The following MFSD6 variants were observed in gnomAD, a reference collection of about 807,000 sequenced individuals.
The protein encoded by MFSD6 is major facilitator superfamily domain containing 6.
MFSD6 carries 26 observed loss-of-function variants against 56.3 expected under a neutral mutation model. The observed-to-expected ratio is 0.46, with a 90% confidence interval of 0.34 to 0.64. MFSD6 has a LOEUF of 0.64. Among genes scored for constraint, MFSD6 ranks in the 30% least tolerant of loss-of-function variants. The pLI is 0.01. For synonymous variants in MFSD6, 331 were observed against 366.9 expected (o/e 0.90, Z 1.12); for missense variants, 750 against 986.2 (o/e 0.76, Z 3.21).
intron 4 of MFSD6, among the ~76,000 whole-genome samples, chr2:190,481,657 T>C (rs565798020): frequency 1.8e-4 from 28 of 152,360 alleles, no homozygotes; most frequent in African/African-American, 6.5e-4. Flanking sequence ...TGTCATATTT[T>C]CAAAGCCTAG....
At chr2:190,493,381 A>G (rs1387009604) in intron 6 of MFSD6, among the ~76,000 whole-genome samples, 4 of 152,166 alleles carry the variant, frequency 2.6e-5, no homozygotes, top group Admixed American at 2.6e-4. Context: ...CAAATTTATA[A>G]AACAATCACT....
In MFSD6 at chr2:190,412,597, G is replaced by T. The variant is rs1575811225; in HGVS notation, c.-175-2695G>T. On this transcript the variant is annotated intron_variant, in intron 1 of 7. Transcript: ENST00000392328. This position sits in a 1 kb window ranked among gnomAD's most constrained non-coding sequence, Gnocchi z 4.1. ...AACACATCTGATGTCAATTCTGTGT[G>T]GGGCAATGAAAACACCTTAATGCCT... 4 of 985,264 alleles carry T rather than the reference G, an allele frequency of 4.1e-6. No homozygotes were observed. In the South Asian group the frequency reaches 1.9e-4, roughly 46 times the overall value. The allele number at this position is 985,264 out of a possible 1,614,324, so 61.0% of individuals were successfully genotyped here. A position where few individuals can be genotyped will look rare whatever the true frequency, so the allele number is the denominator to read the frequency against.
chr2:190,411,356 C>T (rs1168901205), intron 1 of MFSD6: 8 of 498,276 alleles, frequency 1.6e-5, no homozygotes, highest in African/African-American at 2.1e-5. Context: ...GACGGGGTTT[C>T]ATCATGTTGG....
Position 190,495,273 on chromosome 2 carries a change from T to G in MFSD6, c.1892-2166T>G, listed in dbSNP as rs1310348988. Among the ~76,000 whole-genome samples the G allele has an allele frequency of 6.6e-6, 1 of 152,054 alleles. No homozygotes were observed. The highest frequency in any genetic ancestry group is 2.4e-5 in the African/African-American group (1 of 41,412). On this transcript the variant is annotated intron_variant, in intron 6 of 7. Transcript: ENST00000392328. This position sits in a 1 kb window ranked among gnomAD's most constrained non-coding sequence, Gnocchi z 4.7. ...TAATAGCTGCAAAAAATAAAGTATTTAGGAATACACCTAACCAAGGAGCTG... is the reference window on the plus strand; with the variant it reads ...TAATAGCTGCAAAAAATAAAGTATTGAGGAATACACCTAACCAAGGAGCTG...
In MFSD6 at chr2:190,431,725, GGAGGGA is replaced by G. The variant is rs1029396143; in HGVS notation, c.-53-4232_-53-4227del. Among the ~76,000 whole-genome samples the G allele has an allele frequency of 3.7e-4, 57 of 152,088 alleles. No homozygotes were observed. The highest frequency in any genetic ancestry group is 1.5e-3 in the East Asian group (8 of 5,172). On this transcript the variant is annotated intron_variant, in intron 2 of 7. Transcript: ENST00000392328. The surrounding 1 kb of genome is among the most constrained non-coding windows in gnomAD (Gnocchi z 4.4). ...AGGGAGAGGGAGACTGTGGGGAGAG[GGAGGGA>G]GAGGGAGAGGGAGAGGGAGCATGAG...
Position 190,492,762 on chromosome 2 carries a change from C to CACTACCAAGCCAGCACTCCAAGA in MFSD6, c.1891+2933_1891+2955dup, listed in dbSNP as rs992595563. Among the ~76,000 whole-genome samples the CACTACCAAGCCAGCACTCCAAGA allele has an allele frequency of 4.0e-3, 602 of 151,628 alleles. 5 individuals are homozygous for CACTACCAAGCCAGCACTCCAAGA. Among genetic ancestry groups the CACTACCAAGCCAGCACTCCAAGA allele is most frequent in the Middle Eastern group, 0.02 (6 of 294 alleles). On this transcript the variant is annotated intron_variant, in intron 6 of 7. Transcript: ENST00000392328. The surrounding 1 kb of genome is among the most constrained non-coding windows in gnomAD (Gnocchi z 5.2). ...ACAAACAAATGCTGAGAGAATTCACCACTACCAAGCCAGCACTCCAAGAAC... is the reference window on the plus strand; with the variant it reads ...ACAAACAAATGCTGAGAGAATTCACCACTACCAAGCCAGCACTCCAAGAACTACCAAGCCAGCACTCCAAGAAC...
chr2:190,489,907 G>C lies in MFSD6; in HGVS notation c.1891+41G>C, dbSNP rs1049009037. ...CTTTCTTAATATTCCTAACAGTTCAGGCCATGGGAAGTCAACAAATGCCCC... is the reference window on the plus strand; with the variant it reads ...CTTTCTTAATATTCCTAACAGTTCACGCCATGGGAAGTCAACAAATGCCCC... On this transcript the variant is annotated intron_variant, in intron 6 of 7. Transcript: ENST00000392328. This position sits in a 1 kb window ranked among gnomAD's most constrained non-coding sequence, Gnocchi z 6.6. 2.6e-6 allele frequency: 4 copies of C among 1,547,074 alleles called. No individual in the cohort carries two copies. Among genetic ancestry groups the C allele is most frequent in the South Asian group, 1.2e-5 (1 of 85,744 alleles).
intron 4 of MFSD6, among the ~76,000 whole-genome samples, chr2:190,486,522 A>G (rs1407326193): frequency 1.3e-5 from 2 of 152,152 alleles, no homozygotes; most frequent in Non-Finnish European, 2.9e-5. Flanking sequence ...TCAGACTCTC[A>G]TCAGTCAGTA....
chr2:190,415,830 G>T lies in MFSD6; in HGVS notation c.-54+417G>T, dbSNP rs1436066340. Among the ~76,000 whole-genome samples, 1 of 152,128 alleles carries T rather than the reference G, an allele frequency of 6.6e-6. No homozygotes were observed. Among genetic ancestry groups the T allele is most frequent in the African/African-American group, 2.4e-5 (1 of 41,398 alleles). The stretch of plus-strand genomic sequence containing the variant: ...TTATAAACCTTGAGATCTATATTCT[G>T]GTCTCAATTGTAAACTCATAAAAGG... On this transcript the variant is annotated intron_variant, in intron 2 of 7. Coordinates refer to ENST00000392328, the MANE Select transcript of MFSD6 (RefSeq NM_017694.4). This position sits in a 1 kb window ranked among gnomAD's most constrained non-coding sequence, Gnocchi z 4.5.
intron 4 of MFSD6, chr2:190,477,093 T>G: frequency 6.0e-6 from 1 of 165,434 alleles, no homozygotes. Flanking sequence ...TTAGGAGATA[T>G]ACCTAATGTT....
At chr2:190,446,414 G>A (rs1686585832) in intron 3 of MFSD6, among the ~76,000 whole-genome samples, 1 of 152,150 alleles carries the variant, frequency 6.6e-6, no homozygotes, top group Non-Finnish European at 1.5e-5. Flanking sequence ...ACTTTACTCT[G>A]CTAAATCCTA....
In MFSD6 at chr2:190,488,148, G is replaced by A. The variant is rs556730654; in HGVS notation, c.1631-509G>A. Among the ~76,000 whole-genome samples, 31 of 152,254 alleles carry A rather than the reference G, an allele frequency of 2.0e-4. 1 individual carries two copies. In the South Asian group the frequency reaches 6.0e-3, roughly 30 times the overall value. ...AATCTCCTGACCTCGTGATCCACCCGCCTCGGCCTCCCAAAGTGCTGGGAT... is the reference window on the plus strand; with the variant it reads ...AATCTCCTGACCTCGTGATCCACCCACCTCGGCCTCCCAAAGTGCTGGGAT... On this transcript the variant is annotated intron_variant, in intron 4 of 7. Transcript: ENST00000392328. The surrounding 1 kb of genome is among the most constrained non-coding windows in gnomAD (Gnocchi z 6.4).
rs1690860774 is a variant in MFSD6 at position 190,418,027 on chromosome 2, T to C, written c.-54+2614T>C. ...ATGTGAGAGAGAGAGAGATGTGGTT[T>C]ATCATTGCTTGTCAATGATAAAGCA... On this transcript the variant is annotated intron_variant, in intron 2 of 7. Coordinates refer to ENST00000392328, the MANE Select transcript of MFSD6 (RefSeq NM_017694.4). This position sits in a 1 kb window ranked among gnomAD's most constrained non-coding sequence, Gnocchi z 4.1. Among the ~76,000 whole-genome samples, 1 of 150,962 alleles carries C rather than the reference T, an allele frequency of 6.6e-6. No homozygotes were observed. Among genetic ancestry groups the C allele is most frequent in the South Asian group, 2.1e-4 (1 of 4,774 alleles).
chr2:190,482,399 C>CTTT (rs576422479), intron 4 of MFSD6, among the ~76,000 whole-genome samples: 1 of 142,022 alleles, frequency 7.0e-6, no homozygotes, highest in Non-Finnish European at 1.5e-5. Flanking sequence ...GGAAGCTTTC[C>CTTT]TTTTTTTTTT....
rs1650475999 is a variant in MFSD6 at position 190,410,166 on chromosome 2, A to G, written c.-176+1663A>G. Among the ~76,000 whole-genome samples, 1 of 152,330 alleles carries G rather than the reference A, an allele frequency of 6.6e-6. No individual in the cohort carries two copies. The highest frequency in any genetic ancestry group is 2.1e-4 in the South Asian group (1 of 4,822). Reference sequence around the variant, plus strand: ...TTGGATCACCAATTCCATCATATATAGTGTCTGGACTATTAACAGTATTAA... The same window carrying G: ...TTGGATCACCAATTCCATCATATATGGTGTCTGGACTATTAACAGTATTAA... On this transcript the variant is annotated intron_variant, in intron 1 of 7. Coordinates refer to ENST00000392328, the MANE Select transcript of MFSD6 (RefSeq NM_017694.4). This position sits in a 1 kb window ranked among gnomAD's most constrained non-coding sequence, Gnocchi z 4.4.
rs1477172677 is a variant in MFSD6, at chr2:190,471,715, T to C, written c.1630+1860T>C. On this transcript the variant is annotated intron_variant, in intron 4 of 7. Transcript: ENST00000392328. The surrounding 1 kb of genome is among the most constrained non-coding windows in gnomAD (Gnocchi z 4.7). ...CAGCAGAAACCTCTGCAGACTTAAATGTCCCTGTCTGACAGCTTTGAAGAC... is the reference window on the plus strand; with the variant it reads ...CAGCAGAAACCTCTGCAGACTTAAACGTCCCTGTCTGACAGCTTTGAAGAC... 6.6e-6 allele frequency among the ~76,000 whole-genome samples: 1 copy of C among 152,202 alleles called. No individual in the cohort carries two copies. The highest frequency in any genetic ancestry group is 1.5e-5 in the Non-Finnish European group (1 of 68,038).
In MFSD6 at chr2:190,447,969, C is replaced by A. The variant is rs931986975; in HGVS notation, c.1532+10408C>A. On this transcript the variant is annotated intron_variant, in intron 3 of 7. Coordinates refer to ENST00000392328, the MANE Select transcript of MFSD6 (RefSeq NM_017694.4). This position sits in a 1 kb window ranked among gnomAD's most constrained non-coding sequence, Gnocchi z 4.5. ...CTATTCATAGTTAAGAAGAAAAGGC[C>A]ATTGTTGCAAAGTGGTATAAATGGA... 1.3e-5 allele frequency among the ~76,000 whole-genome samples: 2 copies of A among 152,130 alleles called. No homozygotes were observed. Among genetic ancestry groups the A allele is most frequent in the African/African-American group, 4.8e-5 (2 of 41,418 alleles).
chr2:190,436,466 A>C lies in MFSD6; in HGVS notation c.437A>C (p.Asn146Thr). The C allele has an allele frequency of 6.2e-7, 1 of 1,614,164 alleles. No individual in the cohort carries two copies. The highest frequency in any genetic ancestry group is 1.1e-5 in the South Asian group (1 of 91,076). ...LFSLLCWVLF[N>T]LGIGFVKPAT... The stretch of plus-strand genomic sequence containing the variant: ...TCTCTTTTGTGTTGGGTTTTATTCA[A>C]CCTGGGCATTGGATTTGTCAAACCT... The change falls in exon 3 of 8, where the codon AAC becomes ACC. Residue 146 changes from asparagine (N) to threonine (T), a missense_variant. This residue lies in a region of MFSD6 where 376 missense variants were observed against 437.9 expected (regional missense o/e 0.86). Coordinates refer to ENST00000392328, the MANE Select transcript of MFSD6 (RefSeq NM_017694.4). This position sits in a 1 kb window ranked among gnomAD's most constrained non-coding sequence, Gnocchi z 5.3.
In MFSD6 at chr2:190,435,064, A is replaced by G. The variant is rs533566380; in HGVS notation, c.-53-913A>G. ...AAGTGGAGCAGTTCATCCCAAAACC[A>G]ACCCCCCTCTCCATCTGAGGAAAAA... On this transcript the variant is annotated intron_variant, in intron 2 of 7. Coordinates refer to ENST00000392328, the MANE Select transcript of MFSD6 (RefSeq NM_017694.4). Among the ~76,000 whole-genome samples the G allele has an allele frequency of 3.9e-5, 6 of 152,272 alleles. No individual in the cohort carries two copies. In the East Asian group the frequency reaches 1.2e-3, roughly 29 times the overall value.
Sources: allele counts gnomAD v4.1 joint callset (sites outside exome capture counted in the v4.1 genomes callset), GRCh38; gene constraint gnomAD v4.1.1; regional missense constraint gnomAD v4.1.1; non-coding constraint Gnocchi (gnomAD v3.1); transcripts MANE v1.5; gene names NCBI Gene and HGNC (gene_info 2026-07-23, HGNC 2026-07-21).